RTN4RL1: variants seen among roughly 807,000 people sequenced by gnomAD.
RTN4RL1 encodes reticulon 4 receptor like 1.
Under a neutral mutation model 25.6 loss-of-function variants are expected in RTN4RL1, and 7 were observed. The ratio of observed to expected loss-of-function variants is 0.27; its 90% CI spans 0.16 to 0.51. The LOEUF (loss-of-function observed/expected upper bound fraction) is 0.51. RTN4RL1 is among the 20% of genes least tolerant of loss of function. The pLI is 0.97. For synonymous variants in RTN4RL1, 297 were observed against 288.2 expected (o/e 1.03, Z -0.31); for missense variants, 500 against 615.6 (o/e 0.81, Z 1.99).
chr17:1,956,555 T>C (rs930626908), intron 1 of RTN4RL1, among the ~76,000 whole-genome samples: 1 of 152,166 alleles, frequency 6.6e-6, no homozygotes, highest in Non-Finnish European at 1.5e-5. Flanking sequence ...GTTTAGAGAC[T>C]GCAGAGTATC....
Position 1,977,506 on chromosome 17 carries a change from A to T in RTN4RL1, c.14-39698T>A, listed in dbSNP as rs1340733249. On this transcript the variant is annotated intron_variant, in intron 1 of 1. Coordinates refer to ENST00000331238, the MANE Select transcript of RTN4RL1 (RefSeq NM_178568.4). ...TTCCCCAAACAAGAGCGGGGTCGAG[A>T]GCCGCCCAGTGCCGCCCCCCACCCC... Among the ~76,000 whole-genome samples, 3 of 151,910 alleles carry T rather than the reference A, an allele frequency of 2.0e-5. No individual in the cohort carries two copies. In the East Asian group the frequency reaches 5.8e-4, roughly 29 times the overall value.
intron 1 of RTN4RL1, among the ~76,000 whole-genome samples, chr17:1,978,031 TCTCA>T (rs1040648951): frequency 9.3e-5 from 14 of 150,346 alleles, no homozygotes; most frequent in African/African-American, 3.2e-4. Flanking sequence ...ACCCCGCATC[TCTCA>T]CTCCGCATCC....
intron 1 of RTN4RL1, chr17:2,003,352 G>C (rs2066971819): frequency 6.8e-6 from 1 of 148,138 alleles, no homozygotes; most frequent in Non-Finnish European, 1.5e-5. Flanking sequence ...AGGCCAGGGA[G>C]GCAAGCCCAC....
chr17:2,024,819 T>A (rs1306438148), intron 1 of RTN4RL1, 34 bp downstream of exon 1: 15 of 1,559,282 alleles, frequency 9.6e-6, no homozygotes, highest in Middle Eastern at 1.7e-4. Flanking sequence ...CGGAGCGCAT[T>A]CAACTTCAAC....
At chr17:2,021,023 G>A (rs2067194137) in intron 1 of RTN4RL1, among the ~76,000 whole-genome samples, 1 of 152,176 alleles carries the variant, frequency 6.6e-6, no homozygotes, top group Admixed American at 6.5e-5. Flanking sequence ...CCCTGGTTTT[G>A]CCGGCTAGGC....
At chr17:1,968,162 A>G (rs1205498639) in intron 1 of RTN4RL1, among the ~76,000 whole-genome samples, 1 of 151,776 alleles carries the variant, frequency 6.6e-6, no homozygotes, top group Non-Finnish European at 1.5e-5. Context: ...TGATCTCAGC[A>G]CTCTGCCGAC....
At chr17:1,939,421 C>T (rs1915396313) in intron 1 of RTN4RL1, among the ~76,000 whole-genome samples, 3 of 152,066 alleles carry the variant, frequency 2.0e-5, no homozygotes, top group Non-Finnish European at 4.4e-5. Flanking sequence ...TTCTCCCTGG[C>T]AGAGCTGTGT....
chr17:1,958,379 C>T (rs545134212), intron 1 of RTN4RL1, among the ~76,000 whole-genome samples: 1 of 152,358 alleles, frequency 6.6e-6, no homozygotes, highest in South Asian at 2.1e-4. Context: ...CCCGTCCCCA[C>T]CTCCCATGAG....
In RTN4RL1 at chr17:1,965,065, G is replaced by A. The variant is rs1248162896; in HGVS notation, c.14-27257C>T. On this transcript the variant is annotated intron_variant, in intron 1 of 1. Coordinates refer to ENST00000331238, the MANE Select transcript of RTN4RL1 (RefSeq NM_178568.4). ...GCCTCCCAAAGTGGTGGGATTACAG[G>A]CGTGAGCCACCGCGCCTGGCTTACA... Among the ~76,000 whole-genome samples, 8 of 150,360 alleles carry A rather than the reference G, an allele frequency of 5.3e-5. No individual in the cohort carries two copies. The East Asian group carries it at 7.9e-4, about 15-fold the overall frequency.
intron 1 of RTN4RL1, among the ~76,000 whole-genome samples, chr17:1,965,764 G>A (rs1036250534): frequency 2.0e-5 from 3 of 152,152 alleles, no homozygotes; most frequent in African/African-American, 4.8e-5. Context: ...AGCGCTGACC[G>A]ACACCTGTCC....
rs997994864 is a variant in RTN4RL1 at position 2,025,141 on chromosome 17, C to A, written c.-276G>T. On this transcript the variant is annotated 5_prime_UTR_variant, in exon 1 of 2. Coordinates refer to ENST00000331238, the MANE Select transcript of RTN4RL1 (RefSeq NM_178568.4). The surrounding 1 kb of genome is among the most constrained non-coding windows in gnomAD (Gnocchi z 4.8). ...CGAGCGGCTTGCTCCGCGGAGCCGG[C>A]GGCCTGCTTCTGCCACCCGGAGCAC... The A allele has an allele frequency of 2.2e-5, 7 of 315,192 alleles. No homozygotes were observed. The highest frequency in any genetic ancestry group is 4.0e-5 in the Non-Finnish European group (7 of 173,114). The allele number at this position is 315,192 out of a possible 1,614,324, so 19.5% of individuals were successfully genotyped here. A position where few individuals can be genotyped will look rare whatever the true frequency, so the allele number is the denominator to read the frequency against.
chr17:1,963,781 G>C (rs1355208635), intron 1 of RTN4RL1, among the ~76,000 whole-genome samples: 1 of 152,080 alleles, frequency 6.6e-6, no homozygotes, highest in Non-Finnish European at 1.5e-5. Flanking sequence ...GCCCGGGCTG[G>C]AGTGCAGTGG....
intron 1 of RTN4RL1, among the ~76,000 whole-genome samples, chr17:1,979,607 C>G (rs1223982160): frequency 6.6e-6 from 1 of 152,232 alleles, no homozygotes; most frequent in African/African-American, 2.4e-5. Context: ...TAGCTTTCCT[C>G]TGTCCCTCTA....
At chr17:2,019,033 T>C (rs1269955387) in intron 1 of RTN4RL1, 1 of 152,238 alleles carries the variant, frequency 6.6e-6, no homozygotes, top group Non-Finnish European at 1.5e-5. Flanking sequence ...AGCGGGCTCC[T>C]CTCTCCAGTT....
At chr17:1,990,829 C>T (rs530507571) in intron 1 of RTN4RL1, among the ~76,000 whole-genome samples, 10 of 152,306 alleles carry the variant, frequency 6.6e-5, no homozygotes, top group East Asian at 1.9e-4. Context: ...CTGGGTTTTC[C>T]GTCTATCACA....
At chr17:1,956,372 G>A (rs190522261) in intron 1 of RTN4RL1, among the ~76,000 whole-genome samples, 232 of 151,702 alleles carry the variant, frequency 1.5e-3, no homozygotes, top group African/African-American at 5.2e-3. Flanking sequence ...GGACAGCCTC[G>A]GAGAGTCATC....
intron 1 of RTN4RL1, among the ~76,000 whole-genome samples, chr17:1,949,635 C>A (rs773195087): frequency 3.3e-5 from 5 of 152,166 alleles, no homozygotes; most frequent in East Asian, 3.9e-4. Context: ...GAATCTATCC[C>A]CACTCCTTCA....
intron 1 of RTN4RL1, among the ~76,000 whole-genome samples, chr17:2,016,258 G>A (rs2067121762): frequency 6.6e-6 from 1 of 152,160 alleles, no homozygotes; most frequent in African/African-American, 2.4e-5. Context: ...GCAGGTGCCT[G>A]TAATCCCAGC....
chr17:1,952,344 T>TGG (rs1915702765), intron 1 of RTN4RL1, among the ~76,000 whole-genome samples: 2 of 148,354 alleles, frequency 1.3e-5, no homozygotes, highest in East Asian at 4.0e-4. Flanking sequence ...TTTTTTTTTT[T>TGG]TTTTTTTTTT....
Sources: gnomAD v4.1 joint callset for allele counts (sites outside exome capture counted in the v4.1 genomes callset) on GRCh38, gnomAD v4.1.1 for gene constraint, Gnocchi (gnomAD v3.1) non-coding constraint, MANE v1.5 for transcripts, NCBI Gene and HGNC (gene_info 2026-07-23, HGNC 2026-07-21) for gene names.